TRAF3: variants seen among roughly 807,000 people sequenced by gnomAD.
TRAF3 encodes TNF receptor associated factor 3.
Under a neutral mutation model 62.3 loss-of-function variants are expected in TRAF3, and 13 were observed. The observed-to-expected ratio is 0.21, with a 90% confidence interval of 0.14 to 0.33. The LOEUF (loss-of-function observed/expected upper bound fraction) is 0.33, where lower values mean the gene tolerates loss of function less well. Ranked by LOEUF, TRAF3 falls within the 10% of genes least tolerant of loss-of-function variation. The probability of loss-of-function intolerance (pLI) is 1.00; values close to 1 mark genes in which losing one functional copy is unlikely to be tolerated. For synonymous variants in TRAF3, 269 were observed against 283.4 expected (o/e 0.95, Z 0.51); for missense variants, 440 against 741.8 (o/e 0.59, Z 4.73).
chr14:102,853,769 C>T (rs11850940), intron 2 of TRAF3, among the ~76,000 whole-genome samples: 171 of 149,180 alleles, frequency 1.1e-3, no homozygotes, highest in African/African-American at 4.0e-3. Flanking sequence ...GCCCGGGAGG[C>T]GGAGGTTGCA....
At chr14:102,837,216 A>G (rs1234351114) in intron 2 of TRAF3, among the ~76,000 whole-genome samples, 1 of 151,054 alleles carries the variant, frequency 6.6e-6, no homozygotes, top group African/African-American at 2.4e-5. Context: ...ACAGCTCGCT[A>G]TAGCCTCAAC....
intron 8 of TRAF3, 100 bp from the exon 9 acceptor site, chr14:102,891,225 C>T: frequency 8.8e-7 from 1 of 1,131,950 alleles, no homozygotes; most frequent in Non-Finnish European, 1.3e-6. Flanking sequence ...TAGGTCTCCC[C>T]TCTTTGTGTT....
chr14:102,857,239 A>G (rs1176354964), intron 2 of TRAF3, among the ~76,000 whole-genome samples: 5 of 152,198 alleles, frequency 3.3e-5, no homozygotes, highest in African/African-American at 1.2e-4. Context: ...TCACAGGAGT[A>G]AGCAGGGTTA....
chr14:102,875,156 A>G (rs1888573027), intron 4 of TRAF3, among the ~76,000 whole-genome samples: 1 of 152,092 alleles, frequency 6.6e-6, no homozygotes, highest in Non-Finnish European at 1.5e-5. Context: ...TGGTCTCTCC[A>G]TTTCTCCAGC....
intron 1 of TRAF3, among the ~76,000 whole-genome samples, chr14:102,808,411 G>A (rs1283595145): frequency 1.3e-5 from 2 of 151,988 alleles, no homozygotes; most frequent in Non-Finnish European, 2.9e-5. Flanking sequence ...TACTCAGGAG[G>A]CTGAGGCAGG....
chr14:102,834,888 A>C (rs1441260698), intron 2 of TRAF3, among the ~76,000 whole-genome samples: 2 of 150,834 alleles, frequency 1.3e-5, no homozygotes, highest in Non-Finnish European at 2.9e-5. Context: ...CAAAAGCAAA[A>C]ATTGACAAAT....
At chr14:102,840,615 T>G (rs1343220210) in intron 2 of TRAF3, among the ~76,000 whole-genome samples, 1 of 152,148 alleles carries the variant, frequency 6.6e-6, no homozygotes, top group Non-Finnish European at 1.5e-5. Flanking sequence ...AAGACACCAT[T>G]ATCGATATTA....
chr14:102,878,563 G>A (rs1888854424), intron 6 of TRAF3, among the ~76,000 whole-genome samples: 1 of 152,186 alleles, frequency 6.6e-6, no homozygotes, highest in African/African-American at 2.4e-5. Context: ...CCAGGAGCTG[G>A]GGACTCAGTG....
intron 2 of TRAF3, among the ~76,000 whole-genome samples, chr14:102,850,736 T>C (rs1225586627): frequency 6.8e-6 from 1 of 148,000 alleles, no homozygotes; most frequent in African/African-American, 2.5e-5. Context: ...GAGTGCCAGA[T>C]GCTGCGCTCC....
chr14:102,891,229 T>G, intron 8 of TRAF3, 96 bp from the exon 9 acceptor site: 5 of 1,146,530 alleles, frequency 4.4e-6, no homozygotes, highest in South Asian at 1.3e-5. Flanking sequence ...TCTCCCCTCT[T>G]TGTGTTTAGT....
chr14:102,827,571 C>T (rs1163231758), intron 1 of TRAF3, among the ~76,000 whole-genome samples: 1 of 152,090 alleles, frequency 6.6e-6, no homozygotes, highest in South Asian at 2.1e-4. Context: ...GGGGAATTTT[C>T]CTCTTGTGGT....
intron 1 of TRAF3, among the ~76,000 whole-genome samples, chr14:102,829,077 C>T (rs776436942): frequency 1.1e-4 from 17 of 152,082 alleles, no homozygotes; most frequent in African/African-American, 1.9e-4. Flanking sequence ...TGCTGCTCTT[C>T]GTTTATCTTA....
intron 1 of TRAF3, among the ~76,000 whole-genome samples, chr14:102,785,268 T>G (rs1310579990): frequency 6.6e-6 from 1 of 152,224 alleles, no homozygotes; most frequent in African/African-American, 2.4e-5. Context: ...CCGTTCCATC[T>G]CTGGCGTAAG....
intron 11 of TRAF3, among the ~76,000 whole-genome samples, chr14:102,904,878 G>A (rs945733048): frequency 6.6e-6 from 1 of 150,670 alleles, no homozygotes; most frequent in Non-Finnish European, 1.5e-5. Context: ...TTGGGAGATC[G>A]AGGCAGGTGG....
At chr14:102,791,673 T>C (rs1897797234) in intron 1 of TRAF3, among the ~76,000 whole-genome samples, 1 of 152,340 alleles carries the variant, frequency 6.6e-6, no homozygotes, top group East Asian at 1.9e-4. Flanking sequence ...TTATTTCTTT[T>C]TCTTGCCTAA....
chr14:102,786,075 A>G (rs1221822341), intron 1 of TRAF3, among the ~76,000 whole-genome samples: 2 of 152,196 alleles, frequency 1.3e-5, no homozygotes, highest in African/African-American at 4.8e-5. Flanking sequence ...TATGATGTAC[A>G]CAGTAAAAAG....
chr14:102,839,944 T>G (rs1014863172), intron 2 of TRAF3, among the ~76,000 whole-genome samples: 3 of 152,168 alleles, frequency 2.0e-5, no homozygotes, highest in Non-Finnish European at 4.4e-5. Flanking sequence ...ATGAAAACAT[T>G]AAGTTTGGCA....
chr14:102,844,038 A>T (rs1016715515), intron 2 of TRAF3, among the ~76,000 whole-genome samples: 1 of 152,280 alleles, frequency 6.6e-6, no homozygotes, highest in East Asian at 1.9e-4. Flanking sequence ...ACTAAAAGTA[A>T]CTGAAGAAAT....
At chr14:102,838,941 T>G (rs1020622118) in intron 2 of TRAF3, among the ~76,000 whole-genome samples, 2 of 152,348 alleles carry the variant, frequency 1.3e-5, no homozygotes, top group Non-Finnish European at 2.9e-5. Flanking sequence ...CATTTTTAAT[T>G]TAAAAAACAC....
Sources: gnomAD v4.1 joint callset for allele counts (sites outside exome capture counted in the v4.1 genomes callset) on GRCh38, gnomAD v4.1.1 for gene constraint, MANE v1.5 for transcripts, NCBI Gene and HGNC (gene_info 2026-07-23, HGNC 2026-07-21) for gene names.